Variants in PRH1 observed in about 807,000 individuals in gnomAD.
PRH1 encodes the protein proline rich protein HaeIII subfamily 1, also known as salivary acidic proline-rich phosphoprotein 1/2.
A neutral mutation model predicts 7.9 loss-of-function variants in PRH1; 7 were observed. The ratio of observed to expected loss-of-function variants is 0.89; its 90% CI spans 0.50 to 1.67. The LOEUF is 1.67. PRH1 is among the 40% of genes most tolerant of loss of function. The pLI, the probability that PRH1 is intolerant of heterozygous loss-of-function variation, is 0.00. For synonymous variants in PRH1, 45 were observed against 80.8 expected (o/e 0.56, Z 2.38); for missense variants, 109 against 223.6 (o/e 0.49, Z 3.27).
chr12:11,104,635 TA>T (rs1945358450), intron 1 of PRH1, among the ~76,000 whole-genome samples: 1 of 152,186 alleles, frequency 6.6e-6, no homozygotes, highest in African/African-American at 2.4e-5. Context: ...CTTTAGCTAT[TA>T]AAACTCAGTG....
At chr12:11,051,932 T>C (rs1943162176), upstream of PRH1, among the ~76,000 whole-genome samples, 1 of 152,226 alleles carries the variant, frequency 6.6e-6, no homozygotes, top group Admixed American at 6.5e-5. Flanking sequence ...GTTAGAATAA[T>C]TCTACAATGA....
intron 1 of PRH1, among the ~76,000 whole-genome samples, chr12:11,015,267 C>T (rs1404112904): frequency 6.6e-6 from 1 of 152,280 alleles, no homozygotes; most frequent in African/African-American, 2.4e-5. Context: ...AGGGAAGAAT[C>T]GTGGGAAAAG....
At chr12:11,136,227 G>A (rs1384379027) in intron 1 of PRH1, among the ~76,000 whole-genome samples, 1 of 152,112 alleles carries the variant, frequency 6.6e-6, no homozygotes, top group Non-Finnish European at 1.5e-5. Flanking sequence ...CTCTGTGTAG[G>A]TGCATTCCTA....
chr12:10,999,366 A>C (rs542348150), intron 1 of PRH1, among the ~76,000 whole-genome samples: 2 of 152,240 alleles, frequency 1.3e-5, no homozygotes, highest in South Asian at 4.1e-4. Context: ...AGCATCTCAA[A>C]TTTCTCCATT....
intron 2 of PRH1, among the ~76,000 whole-genome samples, chr12:10,899,352 G>T (rs1338916078): frequency 2.6e-5 from 4 of 152,252 alleles, no homozygotes; most frequent in South Asian, 2.1e-4. Context: ...TACACGGTTT[G>T]TTTGTCCCCA....
intron 2 of PRH1, among the ~76,000 whole-genome samples, chr12:10,943,776 T>C (rs1266803937): frequency 1.3e-5 from 2 of 152,188 alleles, no homozygotes; most frequent in African/African-American, 4.8e-5. Context: ...TCAGATTTGA[T>C]CTTCTGCAGA....
At chr12:10,980,054 G>C (rs1939281613) in intron 1 of PRH1, among the ~76,000 whole-genome samples, 1 of 152,060 alleles carries the variant, frequency 6.6e-6, no homozygotes, top group Non-Finnish European at 1.5e-5. Flanking sequence ...CTGAGCTGAA[G>C]GATTAAATGT....
upstream of PRH1, among the ~76,000 whole-genome samples, chr12:10,884,505 C>T (rs748826674): frequency 1.3e-4 from 20 of 152,148 alleles, no homozygotes; most frequent in Non-Finnish European, 2.1e-4. Context: ...TCCAAGCAGT[C>T]GGCACAGTGT....
intron 2 of PRH1, among the ~76,000 whole-genome samples, chr12:10,962,793 G>A (rs573988118): frequency 1.3e-5 from 2 of 152,154 alleles, no homozygotes; most frequent in East Asian, 1.9e-4. Context: ...TTTTTGAGAC[G>A]GAGTCTCGCT....
chr12:11,105,938 T>TAAGAAGCTCA (rs1592024777), intron 1 of PRH1, among the ~76,000 whole-genome samples: 6 of 99,536 alleles, frequency 6.0e-5, no homozygotes, highest in African/African-American at 1.4e-4. Context: ...AACTTATTCT[T>TAAGAAGCTCA]TTTTTTTTTT....
rs146169924 is a variant in PRH1 at position 10,974,861 on chromosome 12, G to C, written c.-125-1140C>G. Among the ~76,000 whole-genome samples, 10 of 152,288 alleles carry C rather than the reference G, an allele frequency of 6.6e-5. No individual in the cohort carries two copies. The East Asian group carries it at 1.9e-3, about 29-fold the overall frequency. On this transcript the variant is annotated intron_variant, in intron 1 of 3. Coordinates refer to the PRH1 transcript ENST00000539853. ...GGGAATGAAGATCAATGAGATTCAG[G>C]AGAAAGTAAAAACCAAATCCAAAGT...
At chr12:10,897,320 T>A (rs1018450444) in intron 2 of PRH1, among the ~76,000 whole-genome samples, 1 of 152,208 alleles carries the variant, frequency 6.6e-6, no homozygotes, top group African/African-American at 2.4e-5. Flanking sequence ...GATATTTCTA[T>A]CATTGCCTAT....
At chr12:10,995,134 G>C (rs981906472) in intron 1 of PRH1, among the ~76,000 whole-genome samples, 3 of 152,114 alleles carry the variant, frequency 2.0e-5, no homozygotes, top group Non-Finnish European at 4.4e-5. Flanking sequence ...TGTAGATTTT[G>C]TGATGTGTTA....
In PRH1 at chr12:11,168,380, GAAAGAAAGAAAGAAAGAAAGAA is replaced by G. The variant is rs1947695894; in HGVS notation, n.39+3020_39+3041del. Among the ~76,000 whole-genome samples the G allele has an allele frequency of 3.5e-4, 2 of 5,704 alleles. 1 individual carries two copies. Among genetic ancestry groups the G allele is most frequent in the East Asian group, 0.038 (2 of 52 alleles). 3.7% of individuals were successfully genotyped at this position (5,704 alleles called of 152,430 possible). A position where few individuals can be genotyped will look rare whatever the true frequency, so the allele number is the denominator to read the frequency against. On this transcript the variant is annotated intron_variant and non_coding_transcript_variant, in intron 1 of 1. Transcript: ENST00000541175. ...AAAGAAAAGAAAGAAAAGAAAGAAA[GAAAGAAAGAAAGAAAGAAAGAA>G]AGAAAGAAAGAAAGAAAGGAAAAGA...
intron 1 of PRH1, chr12:11,030,528 T>C (rs767857905): frequency 9.9e-6 from 16 of 1,614,120 alleles, no homozygotes; most frequent in Non-Finnish European, 1.3e-5. Flanking sequence ...GAAGGATAGC[T>C]GAATCTAATA....
intron 2 of PRH1, among the ~76,000 whole-genome samples, chr12:10,952,556 C>G (rs1257256453): frequency 6.6e-6 from 1 of 152,114 alleles, no homozygotes; most frequent in African/African-American, 2.4e-5. Flanking sequence ...AATCAAGACA[C>G]TGTGGTAATT....
At chr12:10,916,904 TA>T (rs1949979545) in intron 2 of PRH1, among the ~76,000 whole-genome samples, 2 of 151,140 alleles carry the variant, frequency 1.3e-5, no homozygotes, top group Non-Finnish European at 2.9e-5. Flanking sequence ...TAAAATAAAA[TA>T]AAATAAAATA....
intron 2 of PRH1, among the ~76,000 whole-genome samples, chr12:10,959,587 C>T (rs550132310): frequency 1.2e-4 from 19 of 152,086 alleles, no homozygotes; most frequent in East Asian, 1.9e-4. Flanking sequence ...TTGTACAAAA[C>T]GCAAGAAATC....
chr12:11,121,110 T>G (rs1360229964), exon 2 of PRH1: 2 of 153,124 alleles, frequency 1.3e-5, no homozygotes, highest in African/African-American at 4.8e-5. Context: ...CAGAAGAAGT[T>G]CCAAGGTTTA....
Sources: gnomAD v4.1 joint callset for allele counts (sites outside exome capture counted in the v4.1 genomes callset) on GRCh38, gnomAD v4.1.1 for gene constraint, MANE v1.5 for transcripts, NCBI Gene and HGNC (gene_info 2026-07-23, HGNC 2026-07-21) for gene names.